Variants in EMSY observed in about 807,000 individuals in gnomAD.
EMSY encodes BRCA2-interacting transcriptional repressor EMSY.
A neutral mutation model predicts 134.6 loss-of-function variants in EMSY; 26 were observed. The ratio of observed to expected loss-of-function variants is 0.19; its 90% CI spans 0.14 to 0.27. The LOEUF is 0.27. Ranked by LOEUF, EMSY falls within the 10% of genes least tolerant of loss-of-function variation. The probability of loss-of-function intolerance (pLI) is 1.00; values close to 1 mark genes in which losing one functional copy is unlikely to be tolerated. For missense variants in EMSY, 1,305 were observed against 1,611.4 expected, an observed-to-expected ratio of 0.81 and a Z score of 3.26; for synonymous variants, 579 against 577.8, an observed-to-expected ratio of 1.00 and a Z score of -0.03.
At chr11:76,446,708 T>C (rs1301580615) in intron 1 of EMSY, among the ~76,000 whole-genome samples, 192 bp from the exon 2 acceptor site, 2 of 152,226 alleles carry the variant, frequency 1.3e-5, no homozygotes, top group African/African-American at 2.4e-5. Context: ...CTGTGTTCTT[T>C]CCACTGTGAT....
intron 8 of EMSY, among the ~76,000 whole-genome samples, chr11:76,473,683 G>T (rs1255629708): frequency 6.6e-6 from 1 of 152,076 alleles, no homozygotes; most frequent in East Asian, 1.9e-4. Flanking sequence ...GAACTCAAGG[G>T]CAATTGCTGC....
At chr11:76,524,020 A>G (rs530985001) in intron 12 of EMSY, among the ~76,000 whole-genome samples, 8 of 152,170 alleles carry the variant, frequency 5.3e-5, no homozygotes, top group Non-Finnish European at 8.8e-5. Context: ...ACTGCACTCC[A>G]GACTGGGCAA....
intron 6 of EMSY, 30 bp downstream of exon 7, chr11:76,460,115 C>G: frequency 6.2e-7 from 1 of 1,611,532 alleles, no homozygotes; most frequent in Non-Finnish European, 8.5e-7. Context: ...TTATCAGGGC[C>G]TTCTTGGCTA....
chr11:76,518,034 T>C (rs1162153574), intron 11 of EMSY, among the ~76,000 whole-genome samples: 1 of 152,164 alleles, frequency 6.6e-6, no homozygotes, highest in Non-Finnish European at 1.5e-5. Context: ...AGGTTAGTTT[T>C]AAAATCTTTC....
chr11:76,543,345 T>C (rs936773633), intron 18 of EMSY, among the ~76,000 whole-genome samples: 1 of 152,162 alleles, frequency 6.6e-6, no homozygotes, highest in Non-Finnish European at 1.5e-5. Flanking sequence ...CAAAATTTTA[T>C]AGTTTAGGAT....
At chr11:76,451,769 T>A in intron 2 of EMSY, 89 bp from the exon 3 acceptor site, 2 of 597,826 alleles carry the variant, frequency 3.3e-6, no homozygotes, top group Non-Finnish European at 5.4e-6. Flanking sequence ...TAATTATTTT[T>A]AGTTTTTTTG....
downstream of EMSY, chr11:76,552,551 A>G (rs1261481956): frequency 3.3e-5 from 5 of 152,226 alleles, no homozygotes. Context: ...AGGCAGTGAT[A>G]AGAAAAATCC....
At chr11:76,546,051 C>T in exon 20 of EMSY, 2 of 1,614,174 alleles carry the variant, frequency 1.2e-6, no homozygotes, top group Non-Finnish European at 1.7e-6. Flanking sequence ...AGGCTCTTGC[C>T]ACTAGCATGC....
At chr11:76,468,701 A>G (rs975440409) in intron 7 of EMSY, among the ~76,000 whole-genome samples, 2 of 152,168 alleles carry the variant, frequency 1.3e-5, no homozygotes, top group South Asian at 2.1e-4. Context: ...TCAAATAGGT[A>G]ATATATTTTC....
At chr11:76,482,341 C>T (rs1055857679) in intron 8 of EMSY, among the ~76,000 whole-genome samples, 1 of 152,196 alleles carries the variant, frequency 6.6e-6, no homozygotes, top group East Asian at 1.9e-4. Context: ...AATGCCTCTT[C>T]TCCTCCAAAG....
intron 1 of EMSY, among the ~76,000 whole-genome samples, chr11:76,446,349 G>GTATATATATGTGTA (rs1947403020): frequency 3.1e-5 from 4 of 130,378 alleles, no homozygotes; most frequent in Non-Finnish European, 4.8e-5. Flanking sequence ...ATATATATGT[G>GTATATATATGTGTA]TATATATATA....
At chr11:76,513,010 T>C (rs1396961286) in intron 9 of EMSY, among the ~76,000 whole-genome samples, 1 of 152,212 alleles carries the variant, frequency 6.6e-6, no homozygotes, top group Non-Finnish European at 1.5e-5. Context: ...TAAAAGCACA[T>C]TACCTTTTGT....
intron 5 of EMSY, 118 bp from the exon 7 acceptor site, chr11:76,459,815 G>T: frequency 3.6e-6 from 4 of 1,117,224 alleles, no homozygotes; most frequent in Middle Eastern, 2.1e-4. Context: ...CCTAGTACTG[G>T]CCTCTGACTT....
At chr11:76,503,300 CAAA>C (rs61098325) in intron 9 of EMSY, among the ~76,000 whole-genome samples, 31 of 70,782 alleles carry the variant, frequency 4.4e-4, no homozygotes, top group Non-Finnish European at 6.7e-4. Context: ...GGCGTGGTCT[CAAA>C]AAAAAAAAAA....
exon 21 of EMSY, chr11:76,551,221 C>T (rs1000042123): frequency 1.3e-5 from 2 of 152,122 alleles, no homozygotes; most frequent in Non-Finnish European, 2.9e-5. Context: ...GTCTTGTGAT[C>T]ACTGTCTGTC....
chr11:76,509,615 T>C (rs1950202261), intron 9 of EMSY, among the ~76,000 whole-genome samples: 1 of 152,240 alleles, frequency 6.6e-6, no homozygotes, highest in Non-Finnish European at 1.5e-5. Context: ...AGAAGCAATT[T>C]AATTTTATGT....
At chr11:76,509,038 G>A (rs1162424248) in intron 9 of EMSY, among the ~76,000 whole-genome samples, 3 of 152,162 alleles carry the variant, frequency 2.0e-5, no homozygotes, top group African/African-American at 4.8e-5. Context: ...AGCATGGTTT[G>A]TGGTGGCCCA....
chr11:76,488,294 C>A, intron 8 of EMSY, among the ~76,000 whole-genome samples: 1 of 152,268 alleles, frequency 6.6e-6, no homozygotes, highest in Non-Finnish European at 1.5e-5. Flanking sequence ...AGCATGACCT[C>A]ATCTCTACAA....
chr11:76,540,450 A>C (rs1336587148), intron 17 of EMSY, among the ~76,000 whole-genome samples: 1 of 152,190 alleles, frequency 6.6e-6, no homozygotes, highest in Non-Finnish European at 1.5e-5. Flanking sequence ...GTAATTTAAC[A>C]TGTGCATACA....
Sources: allele counts gnomAD v4.1 joint callset (sites outside exome capture counted in the v4.1 genomes callset), GRCh38; gene constraint gnomAD v4.1.1; transcripts MANE v1.5; gene names NCBI Gene and HGNC (gene_info 2026-07-23, HGNC 2026-07-21).